STON2: variants seen among roughly 807,000 people sequenced by gnomAD.
STON2 encodes stonin-2.
Under a neutral mutation model 65.7 loss-of-function variants are expected in STON2, and 29 were observed. That is an observed-to-expected ratio of 0.44 (90% CI 0.33 to 0.60). The LOEUF is 0.60. STON2 is among the 20% of genes least tolerant of loss of function. STON2 has a pLI of 0.03. For synonymous variants in STON2, 404 were observed against 414.2 expected (o/e 0.98, Z 0.30); for missense variants, 1,054 against 1,118.1 (o/e 0.94, Z 0.82).
intron 5 of STON2, among the ~76,000 whole-genome samples, chr14:81,287,697 C>T (rs1037734498): frequency 6.6e-6 from 1 of 152,306 alleles, no homozygotes; most frequent in Non-Finnish European, 1.5e-5. Context: ...TACAGCCTCA[C>T]GTGGTGACCA....
At chr14:81,358,221 A>G (rs1191064436) in intron 4 of STON2, among the ~76,000 whole-genome samples, 1 of 152,296 alleles carries the variant, frequency 6.6e-6, no homozygotes, top group Non-Finnish European at 1.5e-5. Flanking sequence ...AAATTGTCAA[A>G]GGATACCCAT....
At position 81,267,917 on chromosome 14, in the gene STON2, G is replaced by A. The variant is rs138740788; in HGVS notation, c.*497C>T. 4.4e-3 allele frequency: 4,318 copies of A among 985,612 alleles called. 16 individuals carry two copies. Among genetic ancestry groups the A allele is most frequent in the Middle Eastern group, 5.7e-3 (11 of 1,914 alleles). The allele number at this position is 985,612 out of a possible 1,614,324, so 61.1% of individuals were successfully genotyped here. ...AAAAGGTCTAGTAAGACCCAAAGAG[G>A]AAATTTGTTTTGCACCTTTTCTGAA... On this transcript the variant is annotated 3_prime_UTR_variant, in exon 8 of 8. Coordinates refer to ENST00000614646, the MANE Select transcript of STON2 (RefSeq NM_001394390.1).
At chr14:81,317,949 TTTTA>T (rs1294027834) in intron 5 of STON2, among the ~76,000 whole-genome samples, 1 of 151,208 alleles carries the variant, frequency 6.6e-6, no homozygotes, top group Non-Finnish European at 1.5e-5. Context: ...CTCTTTTGTT[TTTTA>T]TTTATTTTTT....
rs1896929618 is a variant in STON2, at chr14:81,324,283, C to T, written c.572-96G>A. ...CACCCAGGAGGAGGGAGAGGCCAGG[C>T]GCAGACAGGAGAGTCTTCAGAGGCT... On this transcript the variant is annotated intron_variant, in intron 4 of 7. Coordinates refer to ENST00000614646, the MANE Select transcript of STON2 (RefSeq NM_001394390.1). 1.3e-5 allele frequency among the ~76,000 whole-genome samples: 2 copies of T among 152,230 alleles called. 1 individual carries two copies. The highest frequency in any genetic ancestry group is 4.1e-4 in the South Asian group (2 of 4,834).
rs59591121 is a variant in STON2, at chr14:81,315,520, G to GCCT, written c.742+8496_742+8497insAGG. Among the ~76,000 whole-genome samples, 65 of 152,066 alleles carry GCCT rather than the reference G, an allele frequency of 4.3e-4. 1 individual carries two copies. The highest frequency in any genetic ancestry group is 1.5e-3 in the African/African-American group (61 of 41,484). On this transcript the variant is annotated intron_variant, in intron 5 of 7. Transcript: ENST00000614646. The stretch of plus-strand genomic sequence containing the variant: ...GGCATTTCCAACGTAGGCAGGTGAC[G>GCCT]ATACTGGCAGAATTCTCAACCTGTT...
intron 5 of STON2, among the ~76,000 whole-genome samples, chr14:81,318,089 C>A (rs530871281): frequency 1.2e-4 from 19 of 152,258 alleles, no homozygotes; most frequent in African/African-American, 4.6e-4. Flanking sequence ...CCTCAGCCTC[C>A]CGAGTAGCTA....
intron 5 of STON2, among the ~76,000 whole-genome samples, chr14:81,293,249 C>T (rs1895632335): frequency 6.6e-6 from 1 of 151,038 alleles, no homozygotes; most frequent in South Asian, 2.1e-4. Context: ...TCTTGGCTCA[C>T]TGCAACCTCT....
intron 3 of STON2, among the ~76,000 whole-genome samples, chr14:81,385,050 G>A (rs1001815754): frequency 6.6e-6 from 1 of 152,140 alleles, no homozygotes; most frequent in African/African-American, 2.4e-5. Flanking sequence ...CAACTTCAAC[G>A]TGGGGAGAGC....
intron 5 of STON2, among the ~76,000 whole-genome samples, chr14:81,291,124 T>TGAAGAAAGGAATTGGAG (rs1566892279): frequency 2.0e-5 from 3 of 152,012 alleles, no homozygotes; most frequent in African/African-American, 7.2e-5. Context: ...ACAGGAAGAA[T>TGAAGAAAGGAATTGGAG]GAAGAAAGGA....
intron 2 of STON2, among the ~76,000 whole-genome samples, chr14:81,422,967 G>A (rs1251574676): frequency 4.6e-5 from 7 of 151,932 alleles, no homozygotes; most frequent in Admixed American, 1.3e-4. Flanking sequence ...CCCTGGAGGC[G>A]GAGGTTGCAG....
intron 4 of STON2, among the ~76,000 whole-genome samples, chr14:81,361,204 T>A (rs1898476370): frequency 6.6e-6 from 1 of 152,124 alleles, no homozygotes; most frequent in Non-Finnish European, 1.5e-5. Context: ...AAAGCTATCA[T>A]AAGCAAAAAC....
intron 2 of STON2, among the ~76,000 whole-genome samples, chr14:81,419,657 A>G (rs1482003928): frequency 6.6e-6 from 1 of 152,200 alleles, no homozygotes; most frequent in Non-Finnish European, 1.5e-5. Context: ...TCCACGCTCT[A>G]GAGACCACCT....
At chr14:81,358,875 C>T (rs1898369540) in intron 4 of STON2, among the ~76,000 whole-genome samples, 1 of 152,104 alleles carries the variant, frequency 6.6e-6, no homozygotes, top group African/African-American at 2.4e-5. Flanking sequence ...AATATCGAAG[C>T]ACCTAAATAC....
chr14:81,385,586 T>TA (rs1899760377), intron 3 of STON2, among the ~76,000 whole-genome samples: 1 of 152,110 alleles, frequency 6.6e-6, no homozygotes, highest in Non-Finnish European at 1.5e-5. Flanking sequence ...CTATCTTGTT[T>TA]AAAAAACAAC....
At chr14:81,365,585 G>T (rs75138707) in intron 4 of STON2, among the ~76,000 whole-genome samples, 1 of 151,818 alleles carries the variant, frequency 6.6e-6, no homozygotes, top group African/African-American at 2.4e-5. Context: ...GTGAAACCCC[G>T]TCTCTACTAA....
chr14:81,363,900 T>C (rs1246419659), intron 4 of STON2, among the ~76,000 whole-genome samples: 1 of 152,194 alleles, frequency 6.6e-6, no homozygotes, highest in Non-Finnish European at 1.5e-5. Flanking sequence ...TTTGGAGCTC[T>C]ATGAGCTGCA....
Position 81,276,764 on chromosome 14 carries a change from T to C in STON2, c.2581+137A>G, listed in dbSNP as rs78435864. On this transcript the variant is annotated intron_variant, in intron 6 of 7. Coordinates refer to ENST00000614646, the MANE Select transcript of STON2 (RefSeq NM_001394390.1). ...ACTTACCTTGCTCAATTATTTTTACTTTTCTGGTCCCACTCCCCCTCCATC... is the reference window on the plus strand; with the variant it reads ...ACTTACCTTGCTCAATTATTTTTACCTTTCTGGTCCCACTCCCCCTCCATC... 3.0e-3 allele frequency: 3,078 copies of C among 1,016,354 alleles called. 60 individuals are homozygous for C. The African/African-American group carries it at 0.045, about 15-fold the overall frequency. 63.0% of individuals were successfully genotyped at this position (1,016,354 alleles called of 1,614,324 possible).
chr14:81,287,831 T>C (rs1487612026), intron 5 of STON2, among the ~76,000 whole-genome samples: 4 of 152,198 alleles, frequency 2.6e-5, no homozygotes, highest in African/African-American at 9.6e-5. Flanking sequence ...GACAACCAAC[T>C]ATGACTGAAC....
intron 2 of STON2, among the ~76,000 whole-genome samples, chr14:81,425,608 AG>A (rs1201681437): frequency 1.3e-5 from 2 of 152,100 alleles, no homozygotes; most frequent in Non-Finnish European, 2.9e-5. Context: ...TTAGTATCTT[AG>A]GGAAGAGTGA....
Sources: gnomAD v4.1 joint callset for allele counts (sites outside exome capture counted in the v4.1 genomes callset) on GRCh38, gnomAD v4.1.1 for gene constraint, MANE v1.5 for transcripts, NCBI Gene and HGNC (gene_info 2026-07-23, HGNC 2026-07-21) for gene names.